The following STAB2 variants were observed in gnomAD, a reference collection of about 807,000 sequenced individuals.
STAB2 encodes the protein stabilin-2.
A neutral mutation model predicts 338.1 loss-of-function variants in STAB2; 288 were observed. That is an observed-to-expected ratio of 0.85 (90% CI 0.77 to 0.94). The LOEUF (loss-of-function observed/expected upper bound fraction) is 0.94, where lower values mean the gene tolerates loss of function less well. Ranked by LOEUF, STAB2 falls within the 40% of genes least tolerant of loss-of-function variation. The pLI, the probability that STAB2 is intolerant of heterozygous loss-of-function variation, is 0.00. For synonymous variants in STAB2, 1,202 were observed against 1,193.3 expected (o/e 1.01, Z -0.15); for missense variants, 3,141 against 3,210.1 (o/e 0.98, Z 0.52).
At chr12:103,695,698 C>T (rs755703898) in intron 32 of STAB2, 39 bp from the exon 33 acceptor site, 3 of 1,614,008 alleles carry the variant, frequency 1.9e-6, no homozygotes, top group Non-Finnish European at 2.5e-6. Flanking sequence ...TACCCAGGAA[C>T]AGGAATCCCT....
intron 6 of STAB2, among the ~76,000 whole-genome samples, chr12:103,634,818 T>A (rs1957517794): frequency 6.6e-6 from 1 of 152,256 alleles, no homozygotes; most frequent in Admixed American, 6.5e-5. Flanking sequence ...CAGAGTTCTC[T>A]GCTTCCTGCC....
chr12:103,733,985 T>C (rs751454860), intron 51 of STAB2, among the ~76,000 whole-genome samples: 32 of 139,158 alleles, frequency 2.3e-4, no homozygotes, highest in Non-Finnish European at 4.7e-4. Flanking sequence ...CACAGTCATA[T>C]AGGAGCAAGC....
intron 1 of STAB2, among the ~76,000 whole-genome samples, chr12:103,589,522 T>G (rs181169720): frequency 7.2e-5 from 11 of 152,382 alleles, no homozygotes; most frequent in Non-Finnish European, 5.9e-5. Context: ...AACTGCTCTA[T>G]GCTCAGTTTT....
chr12:103,654,700 TG>T lies in STAB2; in HGVS notation c.1551+3del. 6.2e-7 allele frequency: 1 copy of T among 1,612,718 alleles called. No individual in the cohort carries two copies. The highest frequency in any genetic ancestry group is 8.5e-7 in the Non-Finnish European group (1 of 1,179,494). On this transcript the variant is annotated splice_donor_region_variant and intron_variant, in intron 13 of 68. Transcript: ENST00000388887. ...CCCACATTTGAGAGCAACAATGAGG[TG>T]AGTATTCAGATAAAAGTCACATCAG...
In STAB2 at chr12:103,713,672, G is replaced by A. The variant is rs369312058; in HGVS notation, c.4441G>A (p.Gly1481Ser). 6.2e-7 allele frequency: 1 copy of A among 1,613,940 alleles called. No individual in the cohort carries two copies. Among genetic ancestry groups the A allele is most frequent in the Non-Finnish European group, 8.5e-7 (1 of 1,179,964 alleles). Residue 1481 changes from glycine to serine, a missense_variant, in exon 42 of 69, where the codon GGT becomes AGT. Transcript: ENST00000388887. ...CAATGCCTGTGAGATCAGCAATGGA[G>A]GTTGCTCTGCCAAGGCTGACTGTAA... The part of the protein sequence containing the change: ...AINACEISNG[G>S]CSAKADCKRT...
chr12:103,694,286 G>A (rs1335184357), intron 31 of STAB2, among the ~76,000 whole-genome samples: 1 of 152,064 alleles, frequency 6.6e-6, no homozygotes, highest in Admixed American at 6.6e-5. Context: ...ATTGTTATGT[G>A]ACATAGACAT....
At chr12:103,615,592 G>C (rs937763097) in intron 3 of STAB2, among the ~76,000 whole-genome samples, 3 of 152,144 alleles carry the variant, frequency 2.0e-5, no homozygotes, top group African/African-American at 4.8e-5. Flanking sequence ...AGATCTAAGA[G>C]GTGCTTGTTA....
Position 103,755,628 on chromosome 12 carries a change from C to G in STAB2, c.6897C>G (p.Cys2299Trp), listed in dbSNP as rs537682838. Reference protein sequence around the residue: ...CYRMKDVNCTCKVGYVGDGFS... With the variant: ...CYRMKDVNCTWKVGYVGDGFS... ...GCCCTCCAGATGTGAACTGCACCTG[C>G]AAGGTGGGCTATGTGGGAGATGGCT... Residue 2299 changes from cysteine (C) to tryptophan (W), a missense_variant, in exon 63 of 69, where the codon TGC becomes TGG. Physicochemically the swap from Cys to Trp is radical, Grantham distance 215. Coordinates refer to ENST00000388887, the MANE Select transcript of STAB2 (RefSeq NM_017564.10). 12 of 1,614,150 alleles carry G rather than the reference C, an allele frequency of 7.4e-6. 1 individual carries two copies. The highest frequency in any genetic ancestry group is 6.7e-5 in the East Asian group (3 of 44,858).
At position 103,737,705 on chromosome 12, in the gene STAB2, C is replaced by T. The variant is rs1882268225; in HGVS notation, c.5622C>T (p.Ala1874=). The part of the protein sequence containing the change: ...QRELLFDLGV[A]YGIDCLLIDP... Reference sequence around the variant, plus strand: ...AGCTCTTGTTTGACCTGGGTGTGGCCTACGGCATTGACTGTCTGCTGATTG... The same window carrying T: ...AGCTCTTGTTTGACCTGGGTGTGGCTTACGGCATTGACTGTCTGCTGATTG... Residue 1874 remains alanine (A), a synonymous_variant, in exon 53 of 69, where the codon GCC becomes GCT. Transcript: ENST00000388887. 9.3e-6 allele frequency: 15 copies of T among 1,612,904 alleles called. No homozygotes were observed. Among genetic ancestry groups the T allele is most frequent in the Non-Finnish European group, 1.3e-5 (15 of 1,179,728 alleles).
intron 5 of STAB2, among the ~76,000 whole-genome samples, chr12:103,628,641 A>G (rs1167420141): frequency 6.6e-6 from 1 of 152,088 alleles, no homozygotes; most frequent in Admixed American, 6.5e-5. Context: ...GTATCACTCC[A>G]ATCTCGGCCT....
At chr12:103,740,296 C>A (rs1487058050) in intron 54 of STAB2, among the ~76,000 whole-genome samples, 1 of 152,128 alleles carries the variant, frequency 6.6e-6, no homozygotes, top group African/African-American at 2.4e-5. Flanking sequence ...AGCCTTGCCC[C>A]ACACCCCTTC....
At chr12:103,697,045 TAAGG>T (rs1159247245) in intron 33 of STAB2, among the ~76,000 whole-genome samples, 3 of 152,128 alleles carry the variant, frequency 2.0e-5, no homozygotes, top group Non-Finnish European at 4.4e-5. Context: ...AATAAGGAAA[TAAGG>T]AAGGCTGCTC....
At chr12:103,716,893 T>A (rs922459895) in intron 43 of STAB2, among the ~76,000 whole-genome samples, 33 of 152,146 alleles carry the variant, frequency 2.2e-4, no homozygotes, top group Non-Finnish European at 4.3e-4. Context: ...AGACGTTAGC[T>A]GAGGAGGGAC....
chr12:103,635,253 C>T (rs1233211937), intron 6 of STAB2, among the ~76,000 whole-genome samples: 1 of 152,192 alleles, frequency 6.6e-6, no homozygotes, highest in Non-Finnish European at 1.5e-5. Context: ...CCAAAGCCAC[C>T]CTTTTTGCCT....
In STAB2 at chr12:103,688,971, G is replaced by T. The variant is rs139924238; in HGVS notation, c.3045+756G>T. 4.0e-5 allele frequency among the ~76,000 whole-genome samples: 6 copies of T among 151,394 alleles called. No homozygotes were observed. In the East Asian group the frequency reaches 5.8e-4, roughly 15 times the overall value. ...AATCAGCCCTGGTGGGAGTATTTACGCCATAGAAATCAGTAAATACTACAA... is the reference window on the plus strand; with the variant it reads ...AATCAGCCCTGGTGGGAGTATTTACTCCATAGAAATCAGTAAATACTACAA... On this transcript the variant is annotated intron_variant, in intron 28 of 68. Coordinates refer to ENST00000388887, the MANE Select transcript of STAB2 (RefSeq NM_017564.10).
intron 15 of STAB2, among the ~76,000 whole-genome samples, chr12:103,657,145 C>T (rs1266208258): frequency 1.3e-5 from 2 of 149,848 alleles, no homozygotes; most frequent in Non-Finnish European, 3.0e-5. Context: ...ATATGATTCA[C>T]ACCCAAATTT....
chr12:103,708,103 T>A (rs923269833), intron 38 of STAB2, among the ~76,000 whole-genome samples: 2 of 152,108 alleles, frequency 1.3e-5, no homozygotes, highest in African/African-American at 4.8e-5. Flanking sequence ...GGGGCAAACG[T>A]GGTTCCAATC....
chr12:103,753,367 T>C lies in STAB2; in HGVS notation c.6714+14T>C. ...TATGCCCAGAAGGTGGGTCTTCAGT[T>C]AGCAGATTCTGTGCAGACAGAGTCT... On this transcript the variant is annotated intron_variant, in intron 61 of 68. Coordinates refer to ENST00000388887, the MANE Select transcript of STAB2 (RefSeq NM_017564.10). 1 of 1,614,150 alleles carries C rather than the reference T, an allele frequency of 6.2e-7. No homozygotes were observed. The highest frequency in any genetic ancestry group is 1.7e-5 in the Admixed American group (1 of 60,032).
intron 36 of STAB2, 117 bp downstream of exon 36, chr12:103,704,731 T>A: frequency 1.1e-6 from 1 of 895,240 alleles, no homozygotes; most frequent in Non-Finnish European, 1.7e-6. Context: ...TAATTTGAAT[T>A]ACACTTTACC....
Sources: gnomAD v4.1 joint callset for allele counts (sites outside exome capture counted in the v4.1 genomes callset) on GRCh38, gnomAD v4.1.1 for gene constraint, MANE v1.5 for transcripts, NCBI Gene and HGNC (gene_info 2026-07-23, HGNC 2026-07-21) for gene names.